GLRA1: variants seen among roughly 807,000 people sequenced by gnomAD.
GLRA1 encodes glycine receptor subunit alpha-1.
In GLRA1, 37 loss-of-function variants were observed where a neutral mutation model predicts 48.3. That is an observed-to-expected ratio of 0.77 (90% CI 0.59 to 1.01). The LOEUF (loss-of-function observed/expected upper bound fraction) is 1.01, where lower values mean the gene tolerates loss of function less well. Ranked by LOEUF, GLRA1 falls within the 50% of genes least tolerant of loss-of-function variation. The pLI, the probability that GLRA1 is intolerant of heterozygous loss-of-function variation, is 0.00. For missense variants in GLRA1, 427 were observed against 571.0 expected, an observed-to-expected ratio of 0.75 and a Z score of 2.57; for synonymous variants, 196 against 210.7, an observed-to-expected ratio of 0.93 and a Z score of 0.60.
chr5:151,911,610 T>A (rs921909141), intron 1 of GLRA1, among the ~76,000 whole-genome samples: 4 of 146,400 alleles, frequency 2.7e-5, no homozygotes, highest in Admixed American at 2.0e-4. Context: ...GTTTTTTTTT[T>A]TTTTTTTTTT....
chr5:151,920,743 GA>G (rs1256106065), intron 1 of GLRA1, among the ~76,000 whole-genome samples: 4 of 152,092 alleles, frequency 2.6e-5, no homozygotes, highest in African/African-American at 9.7e-5. Context: ...ATTCCTTGGA[GA>G]AAAGTCCTTG....
chr5:151,869,644 G>A (rs1753425280), intron 3 of GLRA1, among the ~76,000 whole-genome samples: 1 of 149,738 alleles, frequency 6.7e-6, no homozygotes, highest in Non-Finnish European at 1.5e-5. Context: ...GAACCTGGAA[G>A]GTGGTGGTTG....
intron 3 of GLRA1, among the ~76,000 whole-genome samples, chr5:151,879,502 C>T (rs934281025): frequency 8.5e-5 from 13 of 152,092 alleles, no homozygotes; most frequent in African/African-American, 2.9e-4. Flanking sequence ...TACAGGCTTG[C>T]ACTAAGTCTG....
chr5:151,880,230 C>G (rs947040293), intron 3 of GLRA1, among the ~76,000 whole-genome samples: 1 of 152,168 alleles, frequency 6.6e-6, no homozygotes, highest in African/African-American at 2.4e-5. Context: ...AGTAAATAAT[C>G]TTTTATATTT....
In GLRA1 at chr5:151,912,012, A is replaced by G. The variant is rs115635352; in HGVS notation, c.56+12482T>C. Among the ~76,000 whole-genome samples, 1,223 of 152,316 alleles carry G rather than the reference A, an allele frequency of 8.0e-3. 20 individuals are homozygous for G. The highest frequency in any genetic ancestry group is 0.028 in the African/African-American group (1,151 of 41,576). On this transcript the variant is annotated intron_variant, in intron 1 of 8. Transcript: ENST00000274576. Reference sequence around the variant, plus strand: ...TGTAGTCTTTACATAGTTCTGTCTCATTTTAGGCATGGAAAAGCTGAGACT... The same window carrying G: ...TGTAGTCTTTACATAGTTCTGTCTCGTTTTAGGCATGGAAAAGCTGAGACT...
chr5:151,864,664 C>T (rs1039320896), intron 3 of GLRA1, among the ~76,000 whole-genome samples: 2 of 152,208 alleles, frequency 1.3e-5, no homozygotes, highest in Non-Finnish European at 2.9e-5. Context: ...ATGCCCCAGG[C>T]TTCCCTGACC....
intron 1 of GLRA1, among the ~76,000 whole-genome samples, chr5:151,923,695 G>A (rs562797596): frequency 1.3e-5 from 2 of 152,176 alleles, no homozygotes; most frequent in Non-Finnish European, 2.9e-5. Flanking sequence ...AGAGACAGTG[G>A]ATGGGATAAC....
chr5:151,855,315 C>T lies in GLRA1; in HGVS notation c.560-138G>A, dbSNP rs1753011064. 3.8e-6 allele frequency: 3 copies of T among 784,864 alleles called. No individual in the cohort carries two copies. The Admixed American group carries it at 6.7e-5, about 18-fold the overall frequency. 48.6% of individuals were successfully genotyped at this position (784,864 alleles called of 1,614,324 possible). On this transcript the variant is annotated intron_variant, in intron 5 of 8. Transcript: ENST00000274576. Reference sequence around the variant, plus strand: ...TGTGAGACCAGGTTCCTTTTTTTTCCTCTCAAAAGAGGTAAAAAACTGGTT... The same window carrying T: ...TGTGAGACCAGGTTCCTTTTTTTTCTTCTCAAAAGAGGTAAAAAACTGGTT...
chr5:151,908,309 A>G lies in GLRA1; in HGVS notation c.57-15871T>C, dbSNP rs148333510. ...CTTTCAACAAGATAAGCAGATTCCA[A>G]CTGCTTTGGAAAATATCTTCCTTTC... On this transcript the variant is annotated intron_variant, in intron 1 of 8. Coordinates refer to ENST00000274576, the MANE Select transcript of GLRA1 (RefSeq NM_000171.4). 7.1e-3 allele frequency among the ~76,000 whole-genome samples: 1,087 copies of G among 152,280 alleles called. 52 individuals carry two copies. The highest frequency in any genetic ancestry group is 0.064 in the Admixed American group (985 of 15,300).
intron 2 of GLRA1, among the ~76,000 whole-genome samples, chr5:151,887,842 C>T (rs1036865495): frequency 1.3e-5 from 2 of 152,178 alleles, no homozygotes; most frequent in Non-Finnish European, 2.9e-5. Context: ...GTGGTAAAAG[C>T]AGCAGGAGTC....
intron 7 of GLRA1, among the ~76,000 whole-genome samples, chr5:151,843,256 ATTT>A (rs34491994): frequency 2.4e-4 from 29 of 120,744 alleles, no homozygotes; most frequent in Middle Eastern, 4.5e-3. Context: ...CTGCTTCTAA[ATTT>A]TTTTTTTTTT....
intron 8 of GLRA1, among the ~76,000 whole-genome samples, chr5:151,824,863 A>G (rs951725820): frequency 2.0e-5 from 3 of 148,792 alleles, no homozygotes; most frequent in Non-Finnish European, 3.0e-5. Context: ...ACATATGAAC[A>G]TAGTCCCTGG....
chr5:151,862,644 A>G (rs568924252), intron 3 of GLRA1, among the ~76,000 whole-genome samples: 1 of 152,332 alleles, frequency 6.6e-6, no homozygotes, highest in East Asian at 1.9e-4. Flanking sequence ...GAAATGTTAG[A>G]CCGGATGAAA....
At chr5:151,877,267 C>T (rs1001054882) in intron 3 of GLRA1, among the ~76,000 whole-genome samples, 3 of 152,126 alleles carry the variant, frequency 2.0e-5, no homozygotes, top group African/African-American at 7.2e-5. Flanking sequence ...TCCCGGAGAG[C>T]CCTTACATCT....
intron 7 of GLRA1, among the ~76,000 whole-genome samples, chr5:151,845,202 A>T (rs186816673): frequency 1.1e-3 from 168 of 152,298 alleles, no homozygotes; most frequent in African/African-American, 3.7e-3. Flanking sequence ...TGATCCAAAC[A>T]CTTCCATTAG....
chr5:151,886,640 TG>T, intron 3 of GLRA1, 80 bp downstream of exon 3: 1 of 1,062,968 alleles, frequency 9.4e-7, no homozygotes, highest in Non-Finnish European at 1.5e-6. Flanking sequence ...ACTTCCTTGG[TG>T]GAGACCAATG....
At chr5:151,851,641 G>T in intron 6 of GLRA1, 37 bp from the exon 7 acceptor site, 1 of 1,391,030 alleles carries the variant, frequency 7.2e-7, no homozygotes, top group South Asian at 1.2e-5. Context: ...GTGTAGCCTG[G>T]TGAATAGGAC....
intron 3 of GLRA1, among the ~76,000 whole-genome samples, chr5:151,880,908 T>G (rs1160687138): frequency 2.0e-5 from 3 of 152,238 alleles, no homozygotes; most frequent in Non-Finnish European, 4.4e-5. Context: ...ACATTCGTTC[T>G]TAAGTACTTT....
At chr5:151,839,747 C>T (rs1763667592) in intron 7 of GLRA1, among the ~76,000 whole-genome samples, 1 of 152,046 alleles carries the variant, frequency 6.6e-6, no homozygotes, top group African/African-American at 2.4e-5. Context: ...GAAGAGATAC[C>T]AGAACTCTTT....
Sources: gnomAD v4.1 joint callset for allele counts (sites outside exome capture counted in the v4.1 genomes callset) on GRCh38, gnomAD v4.1.1 for gene constraint, MANE v1.5 for transcripts, NCBI Gene and HGNC (gene_info 2026-07-23, HGNC 2026-07-21) for gene names.